Variants in NAA40 observed in about 807,000 individuals in gnomAD.
The protein encoded by NAA40 is N-alpha-acetyltransferase 40, NatD catalytic subunit.
NAA40 carries 26 observed loss-of-function variants against 36.6 expected under a neutral mutation model. The observed-to-expected ratio is 0.71, with a 90% CI of 0.52 to 0.98. NAA40 has a LOEUF of 0.98. Among genes scored for constraint, NAA40 ranks in the 50% least tolerant of loss-of-function variants. The pLI is 0.00. For missense variants in NAA40, 237 were observed against 306.5 expected, an observed-to-expected ratio of 0.77 and a Z score of 1.69; for synonymous variants, 129 against 108.4, an observed-to-expected ratio of 1.19 and a Z score of -1.18.
At chr11:63,953,877 A>G in intron 6 of NAA40, 95 bp from the exon 7 acceptor site, 1 of 1,043,384 alleles carries the variant, frequency 9.6e-7, no homozygotes, top group Admixed American at 1.9e-5. Context: ...TGATCCTCCC[A>G]CCTTTGCCCC....
intron 3 of NAA40, 132 bp downstream of exon 3, chr11:63,947,135 G>A (rs1942201232): frequency 9.6e-6 from 9 of 933,812 alleles, no homozygotes; most frequent in East Asian, 2.6e-5. Context: ...GGCTGGGTGC[G>A]GTGGCTCACG....
At chr11:63,939,129 G>A in intron 1 of NAA40, 27 bp downstream of exon 1, 4 of 1,602,850 alleles carry the variant, frequency 2.5e-6, no homozygotes, top group Non-Finnish European at 3.4e-6. Context: ...GAGGAGATGG[G>A]AGGTCCAGGG....
At chr11:63,939,352 T>C in intron 1 of NAA40, 1 of 1,202,826 alleles carries the variant, frequency 8.3e-7, no homozygotes, top group Non-Finnish European at 1.0e-6. Flanking sequence ...CGCCCCTTCC[T>C]GCTTCGCGGA....
At chr11:63,943,495 A>C (rs564049183) in intron 1 of NAA40, among the ~76,000 whole-genome samples, 1 of 152,328 alleles carries the variant, frequency 6.6e-6, no homozygotes, top group East Asian at 1.9e-4. Context: ...TAGGCGCCTC[A>C]GTAGGGGACA....
At position 63,945,871 on chromosome 11, in the gene NAA40, A is replaced by G; in HGVS notation, c.38A>G (p.Gln13Arg). Residue 13 changes from glutamine to arginine, a missense_variant, in exon 2 of 8, where the codon CAG becomes CGG. Transcript: ENST00000377793. ...TCAAGCAAAGCCAAGGAGAAGAAGC[A>G]GAAGCGGTTGGAGGAGCGAGCAGCC... ...RKSSKAKEKK[Q>R]KRLEERAAMD... is the part of the protein sequence containing the mutation. 2 of 1,614,210 alleles carry G rather than the reference A, an allele frequency of 1.2e-6. No individual in the cohort carries two copies. The highest frequency in any genetic ancestry group is 1.7e-6 in the Non-Finnish European group (2 of 1,180,042).
At chr11:63,952,974 C>T in intron 6 of NAA40, 135 bp downstream of exon 6, 2 of 673,188 alleles carry the variant, frequency 3.0e-6, no homozygotes, top group South Asian at 3.6e-5. Context: ...GTCTTAGAAC[C>T]CTCTCAGTAA....
At chr11:63,951,908 A>G (rs1268696213) in intron 3 of NAA40, among the ~76,000 whole-genome samples, 2 of 152,252 alleles carry the variant, frequency 1.3e-5, no homozygotes, top group Non-Finnish European at 2.9e-5. Context: ...AACAAAGTAC[A>G]GAAGAGACAG....
At chr11:63,944,717 A>G (rs751986692) in intron 1 of NAA40, among the ~76,000 whole-genome samples, 3 of 152,086 alleles carry the variant, frequency 2.0e-5, no homozygotes, top group Non-Finnish European at 2.9e-5. Flanking sequence ...AGCCTGGCCA[A>G]CTTGGTGAAA....
chr11:63,953,650 C>T (rs1942316398), intron 6 of NAA40, among the ~76,000 whole-genome samples: 2 of 151,902 alleles, frequency 1.3e-5, no homozygotes, highest in Admixed American at 1.3e-4. Flanking sequence ...GACAGGGTCT[C>T]ACCCTGTCAC....
At chr11:63,945,760 G>A (rs1942175935) in intron 1 of NAA40, 80 bp from the exon 2 acceptor site, 2 of 1,204,922 alleles carry the variant, frequency 1.7e-6, no homozygotes, top group Admixed American at 1.7e-5. Context: ...TGGATGCAGG[G>A]CCCTTCGATT....
chr11:63,952,903 C>T (rs1365688787), intron 6 of NAA40, 64 bp downstream of exon 6: 5 of 1,423,828 alleles, frequency 3.5e-6, no homozygotes, highest in East Asian at 2.3e-5. Flanking sequence ...CACTGAGGCA[C>T]TTGCCATTCT....
intron 1 of NAA40, among the ~76,000 whole-genome samples, chr11:63,941,432 A>G (rs985819574): frequency 6.6e-6 from 1 of 152,228 alleles, no homozygotes; most frequent in African/African-American, 2.4e-5. Context: ...CACCAAAAAC[A>G]GATTCTTTTT....
intron 5 of NAA40, 43 bp from the exon 6 acceptor site, chr11:63,952,713 A>T: frequency 1.2e-6 from 2 of 1,610,592 alleles, no homozygotes; most frequent in South Asian, 2.2e-5. Flanking sequence ...CAGCCTCTTC[A>T]TGTCCCATCC....
chr11:63,952,644 C>G lies in NAA40; in HGVS notation c.410+79C>G, dbSNP rs1034926879. The G allele has an allele frequency of 6.2e-6, 10 of 1,602,824 alleles. No individual in the cohort carries two copies. In the African/African-American group the frequency reaches 9.4e-5, roughly 15 times the overall value. On this transcript the variant is annotated intron_variant, in intron 5 of 7. Transcript: ENST00000377793. ...GGCACTCCAGCCAGGTGACAAAGCC[C>G]CTGGACCTACCTAGGTCTATGAGCT...
chr11:63,944,977 C>T (rs902583700), intron 1 of NAA40, among the ~76,000 whole-genome samples: 8 of 151,986 alleles, frequency 5.3e-5, no homozygotes, highest in East Asian at 1.9e-4. Flanking sequence ...TGGCTCTTGC[C>T]GTGTGTTACC....
At chr11:63,944,065 G>T (rs1320748325) in intron 1 of NAA40, among the ~76,000 whole-genome samples, 1 of 152,158 alleles carries the variant, frequency 6.6e-6, no homozygotes, top group Non-Finnish European at 1.5e-5. Context: ...AGCTGGTGTT[G>T]GTAGAGTTTG....
At chr11:63,945,596 G>C (rs1942173799) in intron 1 of NAA40, among the ~76,000 whole-genome samples, 1 of 152,140 alleles carries the variant, frequency 6.6e-6, no homozygotes, top group Admixed American at 6.5e-5. Context: ...CACAGTGTCT[G>C]TGTCAGGACG....
intron 3 of NAA40, among the ~76,000 whole-genome samples, chr11:63,947,878 C>G (rs539148667): frequency 6.6e-6 from 1 of 152,140 alleles, no homozygotes; most frequent in Admixed American, 6.5e-5. Context: ...CCCGCCACCA[C>G]GTCCAGCTAA....
In NAA40 at chr11:63,957,072, A is replaced by G. The variant is rs139177865; in HGVS notation, c.*2593A>G. 2.0e-5 allele frequency: 3 copies of G among 151,662 alleles called. No individual in the cohort carries two copies. The highest frequency in any genetic ancestry group is 7.2e-5 in the African/African-American group (3 of 41,382). The allele number at this position is 151,662 out of a possible 1,614,324, so 9.4% of individuals were successfully genotyped here. ...TGTTAAGATTTTTTTAAGATTTTTA[A>G]AATTTTAGTTATATCCACCCTATTT... On this transcript the variant is annotated 3_prime_UTR_variant, in exon 8 of 8. Coordinates refer to ENST00000377793, the MANE Select transcript of NAA40 (RefSeq NM_024771.4).
Sources: allele counts gnomAD v4.1 joint callset (sites outside exome capture counted in the v4.1 genomes callset), GRCh38; gene constraint gnomAD v4.1.1; transcripts MANE v1.5; gene names NCBI Gene and HGNC (gene_info 2026-07-23, HGNC 2026-07-21).